Variants in POU6F2 observed in about 807,000 individuals in gnomAD.
The protein encoded by POU6F2 is POU domain, class 6, transcription factor 2.
Under a neutral mutation model 71.3 loss-of-function variants are expected in POU6F2, and 31 were observed. That is an observed-to-expected ratio of 0.43 (90% CI 0.33 to 0.59). The LOEUF (loss-of-function observed/expected upper bound fraction) is 0.59. Among genes scored for constraint, POU6F2 ranks in the 20% least tolerant of loss-of-function variants. The pLI, the probability that POU6F2 is intolerant of heterozygous loss-of-function variation, is 0.04. For missense variants in POU6F2, 783 were observed against 856.8 expected, an observed-to-expected ratio of 0.91 and a Z score of 1.07; for synonymous variants, 347 against 355.7, an observed-to-expected ratio of 0.98 and a Z score of 0.27.
At chr7:39,123,325 A>C (rs1389500166) in intron 2 of POU6F2, among the ~76,000 whole-genome samples, 1 of 152,198 alleles carries the variant, frequency 6.6e-6, no homozygotes, top group African/African-American at 2.4e-5. Context: ...GAAAACTGAA[A>C]GGTTGGGTGC....
At chr7:39,337,882 C>G (rs546294350) in intron 4 of POU6F2, among the ~76,000 whole-genome samples, 1 of 152,070 alleles carries the variant, frequency 6.6e-6, no homozygotes, top group Non-Finnish European at 1.5e-5. Context: ...TATGAACTTA[C>G]GGATATGGAG....
chr7:39,213,881 A>G (rs1035295864), intron 4 of POU6F2, among the ~76,000 whole-genome samples: 1 of 152,072 alleles, frequency 6.6e-6, no homozygotes, highest in Non-Finnish European at 1.5e-5. Flanking sequence ...CCTTGGCCAC[A>G]CCCCTGGGAG....
At chr7:39,196,444 T>C (rs1047786193) in intron 2 of POU6F2, among the ~76,000 whole-genome samples, 3 of 152,214 alleles carry the variant, frequency 2.0e-5, no homozygotes, top group East Asian at 1.9e-4. Flanking sequence ...CCTCTGTAGA[T>C]ATAAGCATTC....
At chr7:39,001,959 G>A (rs1788927580) in intron 1 of POU6F2, 1 of 152,152 alleles carries the variant, frequency 6.6e-6, no homozygotes, top group African/African-American at 2.4e-5. Flanking sequence ...GTGATTTGTT[G>A]GTGATGTTGA....
At chr7:39,199,001 C>T (rs768510253) in intron 2 of POU6F2, among the ~76,000 whole-genome samples, 7 of 152,188 alleles carry the variant, frequency 4.6e-5, no homozygotes, top group African/African-American at 9.7e-5. Flanking sequence ...TGCAAACAGT[C>T]GGTGAGAAAG....
chr7:39,336,300 T>C (rs1170932655), intron 4 of POU6F2, among the ~76,000 whole-genome samples: 3 of 152,212 alleles, frequency 2.0e-5, no homozygotes, highest in Admixed American at 6.5e-5. Flanking sequence ...CACTGGCATC[T>C]CCTCCCCATC....
chr7:39,235,283 T>G (rs1399733401), intron 4 of POU6F2, among the ~76,000 whole-genome samples: 2 of 152,216 alleles, frequency 1.3e-5, no homozygotes, highest in African/African-American at 4.8e-5. Context: ...GCATAATAGA[T>G]GTATCTGGGC....
intron 4 of POU6F2, among the ~76,000 whole-genome samples, chr7:39,267,670 A>G (rs1195331379): frequency 2.6e-5 from 4 of 151,232 alleles, no homozygotes; most frequent in South Asian, 2.1e-4. Context: ...AGGTCTTGCT[A>G]TGTTTCCCAG....
chr7:39,107,170 A>G (rs2128724819), intron 2 of POU6F2, among the ~76,000 whole-genome samples: 1 of 151,114 alleles, frequency 6.6e-6, no homozygotes, highest in Admixed American at 6.6e-5. Context: ...TTAGCTTCCC[A>G]AGTAGCTGGG....
At chr7:39,140,023 G>A (rs1005200046) in intron 2 of POU6F2, among the ~76,000 whole-genome samples, 1 of 152,088 alleles carries the variant, frequency 6.6e-6, no homozygotes, top group Non-Finnish European at 1.5e-5. Flanking sequence ...ACCAGCTACC[G>A]TGAGATCCAC....
chr7:39,098,668 G>A (rs1791506866), intron 2 of POU6F2, among the ~76,000 whole-genome samples: 1 of 152,214 alleles, frequency 6.6e-6, no homozygotes, highest in African/African-American at 2.4e-5. Flanking sequence ...TTCACTGGCT[G>A]GGTAAGGTAA....
rs569708975 is a variant in POU6F2, at chr7:39,076,244, C to T, written c.106-9616C>T. Among the ~76,000 whole-genome samples, 9 of 151,876 alleles carry T rather than the reference C, an allele frequency of 5.9e-5. No individual in the cohort carries two copies. In the South Asian group the frequency reaches 1.5e-3, roughly 25 times the overall value. ...TTCCATTCCTTCCTTTTCCTCCCTT[C>T]CATTCCCTCCCTTCCTTCCTTCCTT... On this transcript the variant is annotated intron_variant, in intron 1 of 9. Coordinates refer to ENST00000518318, the MANE Select transcript of POU6F2 (RefSeq NM_001370959.1).
At chr7:39,456,955 T>A (rs1041023231) in intron 8 of POU6F2, among the ~76,000 whole-genome samples, 1 of 152,190 alleles carries the variant, frequency 6.6e-6, no homozygotes, top group African/African-American at 2.4e-5. Flanking sequence ...TAGCCCAGGC[T>A]CCCATCCCTC....
chr7:39,295,266 C>T (rs1248117195), intron 4 of POU6F2, among the ~76,000 whole-genome samples: 1 of 151,964 alleles, frequency 6.6e-6, no homozygotes, highest in African/African-American at 2.4e-5. Context: ...ACACGAAAAT[C>T]AGTCTAACTG....
intron 6 of POU6F2, among the ~76,000 whole-genome samples, chr7:39,416,093 T>TACACACACACACACACACACAC (rs57579748): frequency 7.2e-6 from 1 of 139,204 alleles, no homozygotes; most frequent in Non-Finnish European, 1.5e-5. Context: ...CTCGAAGGCA[T>TACACACACACACACACACACAC]ACACACACAC....
intron 2 of POU6F2, among the ~76,000 whole-genome samples, chr7:39,123,210 G>T (rs1417501525): frequency 6.6e-6 from 1 of 152,176 alleles, no homozygotes; most frequent in Non-Finnish European, 1.5e-5. Flanking sequence ...AATTTTCGAG[G>T]CCATGGAAGC....
chr7:39,298,151 A>G (rs1784887112), intron 4 of POU6F2, among the ~76,000 whole-genome samples: 1 of 152,238 alleles, frequency 6.6e-6, no homozygotes, highest in African/African-American at 2.4e-5. Flanking sequence ...AACAAAAGCC[A>G]AAAATGACAA....
chr7:39,423,913 A>C (rs1214043268), intron 6 of POU6F2, among the ~76,000 whole-genome samples: 1 of 152,240 alleles, frequency 6.6e-6, no homozygotes, highest in African/African-American at 2.4e-5. Context: ...TGATTCCAAC[A>C]TCGTGCCTGT....
chr7:39,222,897 G>C (rs1794397940), intron 4 of POU6F2, among the ~76,000 whole-genome samples: 1 of 152,076 alleles, frequency 6.6e-6, no homozygotes, highest in Non-Finnish European at 1.5e-5. Flanking sequence ...CAATTGTTTG[G>C]GGTATATACC....
Sources: allele counts gnomAD v4.1 joint callset (sites outside exome capture counted in the v4.1 genomes callset), GRCh38; gene constraint gnomAD v4.1.1; transcripts MANE v1.5; gene names NCBI Gene and HGNC (gene_info 2026-07-23, HGNC 2026-07-21).